TATDN3: variants seen among roughly 807,000 people sequenced by gnomAD.
TATDN3 encodes TatD DNase domain containing 3, also known as deoxyribonuclease TATDN3.
TATDN3 carries 29 observed loss-of-function variants against 40.1 expected under a neutral mutation model. The ratio of observed to expected loss-of-function variants is 0.72; its 90% CI spans 0.54 to 0.99. TATDN3 has a LOEUF of 0.99. TATDN3 is among the 50% of genes least tolerant of loss of function. The pLI, the probability that TATDN3 is intolerant of heterozygous loss-of-function variation, is 0.00. For synonymous variants in TATDN3, 105 were observed against 117.0 expected (o/e 0.90, Z 0.66); for missense variants, 309 against 321.9 (o/e 0.96, Z 0.31).
At chr1:212,806,781 T>TACAC (rs1180617292) in intron 7 of TATDN3, among the ~76,000 whole-genome samples, 1 of 94,458 alleles carries the variant, frequency 1.1e-5, no homozygotes, top group African/African-American at 4.3e-5. Context: ...TATATATATA[T>TACAC]ATACACACAC....
At chr1:212,808,574 G>T (rs1662681108) in intron 8 of TATDN3, among the ~76,000 whole-genome samples, 2 of 152,052 alleles carry the variant, frequency 1.3e-5, no homozygotes, top group Non-Finnish European at 2.9e-5. Context: ...TCTGATAAGG[G>T]TCTAGTATCC....
At chr1:212,807,678 T>C (rs1662623134) in intron 7 of TATDN3, 58 bp from the exon 8 acceptor site, 5 of 1,349,660 alleles carry the variant, frequency 3.7e-6, no homozygotes, top group East Asian at 2.4e-5. Flanking sequence ...ACTTCTGTTA[T>C]TTAATTTGAT....
chr1:212,810,298 G>A (rs1177466847), intron 8 of TATDN3, among the ~76,000 whole-genome samples: 1 of 151,898 alleles, frequency 6.6e-6, no homozygotes, highest in Non-Finnish European at 1.5e-5. Flanking sequence ...TCACGACGTG[G>A]TCAGGAGATC....
chr1:212,804,271 G>A, intron 5 of TATDN3, 49 bp from the exon 6 acceptor site: 2 of 1,337,792 alleles, frequency 1.5e-6, no homozygotes, highest in Non-Finnish European at 2.1e-6. Context: ...GATCTCTTTT[G>A]AGGTTCCTTA....
At position 212,804,206 on chromosome 1, in the gene TATDN3, T is replaced by C; in HGVS notation, c.322-114T>C. On this transcript the variant is annotated intron_variant, in intron 5 of 9. Coordinates refer to ENST00000366974, the MANE Select transcript of TATDN3 (RefSeq NM_001042552.3). ...GGCTACTAGAATTAATATTTTTATG[T>C]GGCTTGCTTTTGTGCCTCACATTAT... The C allele has an allele frequency of 6.3e-6, 4 of 636,426 alleles. No homozygotes were observed. The South Asian group carries it at 9.7e-5, about 15-fold the overall frequency. 39.4% of individuals were successfully genotyped at this position (636,426 alleles called of 1,614,324 possible).
chr1:212,809,759 C>T (rs3862953), intron 8 of TATDN3, among the ~76,000 whole-genome samples: 65,563 of 151,572 alleles, frequency 0.43, 15,036 homozygotes, highest in Non-Finnish European at 0.51. Context: ...CACTGTGGCT[C>T]ACACCTGTAA....
At chr1:212,809,073 C>T (rs907792854) in intron 8 of TATDN3, among the ~76,000 whole-genome samples, 11 of 152,180 alleles carry the variant, frequency 7.2e-5, no homozygotes, top group African/African-American at 2.7e-4. Context: ...CATGCTACAG[C>T]ATGGATGAAC....
chr1:212,804,831 A>G (rs576229676), intron 7 of TATDN3, among the ~76,000 whole-genome samples, 180 bp downstream of exon 7: 110 of 152,344 alleles, frequency 7.2e-4, no homozygotes, highest in African/African-American at 2.5e-3. Flanking sequence ...TTTCAGTGTA[A>G]TTATGATATT....
At chr1:212,810,511 CAA>C (rs55912631) in intron 8 of TATDN3, among the ~76,000 whole-genome samples, 213 of 49,696 alleles carry the variant, frequency 4.3e-3, no homozygotes, top group African/African-American at 0.014. Context: ...GACTCTGTCT[CAA>C]AAAAAAAAAA....
chr1:212,796,698 C>T, intron 3 of TATDN3, 108 bp downstream of exon 3: 3 of 736,820 alleles, frequency 4.1e-6, no homozygotes, highest in Non-Finnish European at 6.4e-6. Flanking sequence ...GAGGAAAAAG[C>T]ATTTTAACAT....
At chr1:212,805,135 T>C (rs969390849) in intron 7 of TATDN3, among the ~76,000 whole-genome samples, 1 of 152,096 alleles carries the variant, frequency 6.6e-6, no homozygotes, top group Non-Finnish European at 1.5e-5. Context: ...CTAATTTTTA[T>C]ATTTTTAGTA....
chr1:212,808,888 T>C (rs1662695384), intron 8 of TATDN3, among the ~76,000 whole-genome samples: 1 of 152,164 alleles, frequency 6.6e-6, no homozygotes, highest in South Asian at 2.1e-4. Context: ...CACAAAAACT[T>C]GTACATAAAT....
At chr1:212,795,585 A>G (rs1571947423) in intron 2 of TATDN3, among the ~76,000 whole-genome samples, 1 of 151,484 alleles carries the variant, frequency 6.6e-6, no homozygotes, top group Non-Finnish European at 1.5e-5. Flanking sequence ...TTTATTATTT[A>G]TAATTAAAAT....
chr1:212,807,762 T>C lies in TATDN3; in HGVS notation c.514T>C (p.Phe172Leu). The change falls in exon 8 of 10, where the codon TTT becomes CTT. Residue 172 changes from phenylalanine to leucine, a missense_variant. Coordinates refer to ENST00000366974, the MANE Select transcript of TATDN3 (RefSeq NM_001042552.3). ...TGCTGAGAAGGTACTGCTGCATGCA[T>C]TTGATGGTCGGCCATCTGTAGCCAT... ...QGAEKVLLHA[F>L]DGRPSVAMEG... The C allele has an allele frequency of 6.2e-7, 1 of 1,613,644 alleles. No individual in the cohort carries two copies. The highest frequency in any genetic ancestry group is 8.5e-7 in the Non-Finnish European group (1 of 1,179,858).
intron 7 of TATDN3, among the ~76,000 whole-genome samples, chr1:212,805,782 G>T (rs1377673020): frequency 2.0e-5 from 3 of 152,006 alleles, no homozygotes; most frequent in African/African-American, 7.3e-5. Context: ...ACATCTTATG[G>T]CATTATTTTT....
intron 4 of TATDN3, among the ~76,000 whole-genome samples, chr1:212,801,627 A>G (rs1212105828): frequency 2.6e-5 from 4 of 152,176 alleles, no homozygotes; most frequent in African/African-American, 9.7e-5. Context: ...CTACTTCTCC[A>G]GTCCCTCTGA....
At chr1:212,801,610 A>T (rs1206625832) in intron 4 of TATDN3, among the ~76,000 whole-genome samples, 3 of 151,964 alleles carry the variant, frequency 2.0e-5, no homozygotes, top group Non-Finnish European at 4.4e-5. Flanking sequence ...TTCCTGGGTG[A>T]TTTCTCCTAC....
At chr1:212,797,290 G>A (rs1310032936) in intron 4 of TATDN3, 94 bp downstream of exon 4, 3 of 904,508 alleles carry the variant, frequency 3.3e-6, no homozygotes. Flanking sequence ...ATATTCTCAG[G>A]AAATAATCCA....
chr1:212,804,576 ATGT>A lies in TATDN3; in HGVS notation c.432-15_432-13del, dbSNP rs565849620. On this transcript the variant is annotated splice_polypyrimidine_tract_variant and intron_variant, in intron 6 of 9. Coordinates refer to ENST00000366974, the MANE Select transcript of TATDN3 (RefSeq NM_001042552.3). ...ACTTTCAGAATGGTACTTAAAAGAA[ATGT>A]TGTTATCGTTAAACAGAAATGTGCA... 153 of 1,609,502 alleles carry A rather than the reference ATGT, an allele frequency of 9.5e-5. 1 individual carries two copies. In the South Asian group the frequency reaches 1.5e-3, roughly 16 times the overall value.
Sources: gnomAD v4.1 joint callset for allele counts (sites outside exome capture counted in the v4.1 genomes callset) on GRCh38, gnomAD v4.1.1 for gene constraint, MANE v1.5 for transcripts, NCBI Gene and HGNC (gene_info 2026-07-23, HGNC 2026-07-21) for gene names.